GOLGA3: variants seen among roughly 807,000 people sequenced by gnomAD.
GOLGA3 encodes golgin subfamily A member 3.
GOLGA3 carries 75 observed loss-of-function variants against 169.4 expected under a neutral mutation model. The ratio of observed to expected loss-of-function variants is 0.44; its 90% CI spans 0.37 to 0.54. GOLGA3 has a LOEUF of 0.54. GOLGA3 is among the 20% of genes least tolerant of loss of function. The probability of loss-of-function intolerance (pLI) is 0.00; values close to 1 mark genes in which losing one functional copy is unlikely to be tolerated. For synonymous variants in GOLGA3, 824 were observed against 822.4 expected, an observed-to-expected ratio of 1.00 and a Z score of -0.03; for missense variants, 1,899 against 1,930.0, an observed-to-expected ratio of 0.98 and a Z score of 0.30.
intron 9 of GOLGA3, among the ~76,000 whole-genome samples, chr12:132,796,972 G>A (rs1948873218): frequency 6.6e-6 from 1 of 152,206 alleles, no homozygotes; most frequent in African/African-American, 2.4e-5. Flanking sequence ...TTCTCGTGTG[G>A]CGACAGCTGC....
At position 132,804,078 on chromosome 12, in the gene GOLGA3, C is replaced by T. The variant is rs1252238308; in HGVS notation, c.1597+638G>A. 4.6e-5 allele frequency among the ~76,000 whole-genome samples: 7 copies of T among 152,216 alleles called. No homozygotes were observed. Among genetic ancestry groups the T allele is most frequent in the Admixed American group, 4.6e-4 (7 of 15,284 alleles). The stretch of plus-strand genomic sequence containing the variant: ...GGGTGGAAGGCGTGCTGCCAAGCCA[C>T]ATGGAAGCCCGCCGCGGCTTCCGCA... On this transcript the variant is annotated intron_variant, in intron 7 of 23. Coordinates refer to ENST00000450791, the MANE Select transcript of GOLGA3 (RefSeq NM_001389683.1). The surrounding 1 kb of genome is among the most constrained non-coding windows in gnomAD (Gnocchi z 4.1).
chr12:132,824,294 A>T (rs1950328224), intron 1 of GOLGA3, among the ~76,000 whole-genome samples: 1 of 152,222 alleles, frequency 6.6e-6, no homozygotes, highest in Non-Finnish European at 1.5e-5. Context: ...AAGGGCGTGC[A>T]GACCTGTGAG....
At position 132,796,338 on chromosome 12, in the gene GOLGA3, G is replaced by A. The variant is rs558316407; in HGVS notation, c.2101-118C>T. On this transcript the variant is annotated intron_variant, in intron 10 of 23. Coordinates refer to ENST00000450791, the MANE Select transcript of GOLGA3 (RefSeq NM_001389683.1). The stretch of plus-strand genomic sequence containing the variant: ...ACACTATGGAGGGTCTTTTTTTCAC[G>A]CACAATCCTGGTATAGAAGAACCAG... 2.9e-3 allele frequency: 3,680 copies of A among 1,271,286 alleles called. 61 individuals are homozygous for A. The South Asian group carries it at 0.034, about 12-fold the overall frequency. The allele number at this position is 1,271,286 out of a possible 1,614,324, so 78.8% of individuals were successfully genotyped here. A position where few individuals can be genotyped will look rare whatever the true frequency, so the allele number is the denominator to read the frequency against.
At position 132,775,144 on chromosome 12, in the gene GOLGA3, C is replaced by G; in HGVS notation, c.4140G>C (p.Lys1380Asn). The part of the protein sequence containing the change: ...LKLDLRRGAA[K>N]TRKEPKGEAS... ...GGAGGGACGCGGGCCTGAGTACCGT[C>G]TTGGCCGCGCCGCGGCGTAGGTCCA... Residue 1380 changes from lysine (K) to asparagine (N), a missense_variant, in exon 22 of 24, where the codon AAG becomes AAC. Transcript: ENST00000450791. 6.2e-7 allele frequency: 1 copy of G among 1,613,146 alleles called. No individual in the cohort carries two copies. The highest frequency in any genetic ancestry group is 8.5e-7 in the Non-Finnish European group (1 of 1,179,942).
intron 15 of GOLGA3, among the ~76,000 whole-genome samples, chr12:132,785,944 A>G (rs906012955): frequency 1.3e-5 from 2 of 152,160 alleles, no homozygotes; most frequent in African/African-American, 2.4e-5. Flanking sequence ...CGCTGACCCC[A>G]TGCCCTCACT....
rs185677320 is a variant in GOLGA3, at chr12:132,777,354, C to T, written c.3723-264G>A. 1.3e-5 allele frequency among the ~76,000 whole-genome samples: 2 copies of T among 151,732 alleles called. No homozygotes were observed. The highest frequency in any genetic ancestry group is 6.6e-5 in the Admixed American group (1 of 15,202). On this transcript the variant is annotated intron_variant, in intron 19 of 23. Transcript: ENST00000450791. The surrounding 1 kb of genome is among the most constrained non-coding windows in gnomAD (Gnocchi z 4.7). ...CCTCACAGATCCCAGAGAGTGCCGG[C>T]CCCGAGACCACAGTGCATGGGACCC... is the stretch of plus-strand genomic sequence containing the variant.
chr12:132,814,376 G>A (rs993032777), intron 3 of GOLGA3, among the ~76,000 whole-genome samples: 1 of 152,152 alleles, frequency 6.6e-6, no homozygotes, highest in Non-Finnish European at 1.5e-5. Context: ...GAGCCGTGCC[G>A]AGCACTCTGA....
chr12:132,820,190 T>C (rs1950150649), intron 2 of GOLGA3, among the ~76,000 whole-genome samples: 1 of 147,972 alleles, frequency 6.8e-6, no homozygotes, highest in Non-Finnish European at 1.5e-5. Context: ...AAAAAAAAAA[T>C]CAGCTAGGCG....
rs1265132328 is a variant in GOLGA3, at chr12:132,777,661, C to T, written c.3722+5G>A. 6.2e-7 allele frequency: 1 copy of T among 1,613,822 alleles called. No individual in the cohort carries two copies. The highest frequency in any genetic ancestry group is 1.1e-5 in the South Asian group (1 of 91,056). On this transcript the variant is annotated splice_donor_5th_base_variant and intron_variant, in intron 19 of 23. Coordinates refer to ENST00000450791, the MANE Select transcript of GOLGA3 (RefSeq NM_001389683.1). The surrounding 1 kb of genome is among the most constrained non-coding windows in gnomAD (Gnocchi z 4.7). The stretch of plus-strand genomic sequence containing the variant: ...TTTGAGGGCTGGCGGGGCCCAGGCA[C>T]TCACTGAAGGTCGTCGGCCTCGGCC...
intron 17 of GOLGA3, among the ~76,000 whole-genome samples, chr12:132,782,065 G>A (rs1439993398): frequency 2.0e-5 from 3 of 152,150 alleles, no homozygotes; most frequent in South Asian, 2.1e-4. Context: ...CAGGGCTGTG[G>A]GTCACCCAGA....
chr12:132,777,903 A>C lies in GOLGA3; in HGVS notation c.3583-98T>G, dbSNP rs773764600. 3 of 1,323,392 alleles carry C rather than the reference A, an allele frequency of 2.3e-6. No homozygotes were observed. The African/African-American group carries it at 4.4e-5, about 19-fold the overall frequency. The allele number at this position is 1,323,392 out of a possible 1,614,324, so 82.0% of individuals were successfully genotyped here. A position where few individuals can be genotyped will look rare whatever the true frequency, so the allele number is the denominator to read the frequency against. On this transcript the variant is annotated intron_variant, in intron 18 of 23. Coordinates refer to ENST00000450791, the MANE Select transcript of GOLGA3 (RefSeq NM_001389683.1). This position sits in a 1 kb window ranked among gnomAD's most constrained non-coding sequence, Gnocchi z 4.7. ...GGTGAATGCACTCCCGGCCCCGTGC[A>C]TGTCCTGGCTGCCGGCGTGTGCTTC...
Position 132,776,764 on chromosome 12 carries a change from G to A in GOLGA3, c.3856-8C>T, listed in dbSNP as rs760421535. The stretch of plus-strand genomic sequence containing the variant: ...CCATTTGAGATTTTCCATCTAAAGA[G>A]GGGAAAGTCACATGGCCAAAAGAAT... On this transcript the variant is annotated splice_polypyrimidine_tract_variant and splice_region_variant and intron_variant, in intron 20 of 23. Transcript: ENST00000450791. The A allele has an allele frequency of 1.9e-6, 3 of 1,613,582 alleles. No homozygotes were observed. Among genetic ancestry groups the A allele is most frequent in the Non-Finnish European group, 2.5e-6 (3 of 1,179,844 alleles).
In GOLGA3 at chr12:132,776,664, C is replaced by G. The variant is rs146521364; in HGVS notation, c.3948G>C (p.Lys1316Asn). 2 of 1,613,522 alleles carry G rather than the reference C, an allele frequency of 1.2e-6. No homozygotes were observed. Among genetic ancestry groups the G allele is most frequent in the Non-Finnish European group, 1.7e-6 (2 of 1,179,676 alleles). ...QLDLTEQQGR[K>N]ELEGLQQLLQ... ...GCAGCTGCTGTAGCCCTTCCAGTTC[C>G]TTCCTGCCCTGCTGCTCCGTCAAGT... The change falls in exon 21 of 24, where the codon AAG becomes AAC. Residue 1316 changes from lysine (K) to asparagine (N), a missense_variant. By Grantham distance (94) the Lys-to-Asn change is moderately conservative. Coordinates refer to ENST00000450791, the MANE Select transcript of GOLGA3 (RefSeq NM_001389683.1).
At position 132,803,997 on chromosome 12, in the gene GOLGA3, G is replaced by T. The variant is rs913351443; in HGVS notation, c.1597+719C>A. Among the ~76,000 whole-genome samples, 4 of 152,296 alleles carry T rather than the reference G, an allele frequency of 2.6e-5. 2 individuals carry two copies. ...GAGCAGGCCAACCACAGTCTTCTCCGTGTCTGCTGGGCACTGGAGTGTGAG... is the reference window on the plus strand; with the variant it reads ...GAGCAGGCCAACCACAGTCTTCTCCTTGTCTGCTGGGCACTGGAGTGTGAG... On this transcript the variant is annotated intron_variant, in intron 7 of 23. Transcript: ENST00000450791.
chr12:132,778,613 A>C (rs1348746603), intron 18 of GOLGA3, among the ~76,000 whole-genome samples: 1 of 151,484 alleles, frequency 6.6e-6, no homozygotes, highest in African/African-American at 2.4e-5. Context: ...AAAAATAATA[A>C]AATAAAATAA....
intron 12 of GOLGA3, among the ~76,000 whole-genome samples, chr12:132,790,924 G>A (rs1416844722): frequency 6.1e-5 from 9 of 148,054 alleles, no homozygotes; most frequent in African/African-American, 1.2e-4. Context: ...GGTGGAGGGC[G>A]CCTGTAGTCG....
In GOLGA3 at chr12:132,795,901, G is replaced by A. The variant is rs769767660; in HGVS notation, c.2420C>T (p.Ser807Leu). Reference sequence around the variant, plus strand: ...TTCTCTTAACTTCTCTAAAGTTTCCGACGTTTCCTCGGTACCTTCTTCCAA... The same window carrying A: ...TTCTCTTAACTTCTCTAAAGTTTCCAACGTTTCCTCGGTACCTTCTTCCAA... ...RRLEEGTEET[S>L]ETLEKLREEL... is the part of the protein sequence containing the mutation. Residue 807 changes from serine to leucine, a missense_variant, in exon 11 of 24, where the codon TCG becomes TTG. Ser to Leu is a moderately radical substitution (Grantham distance 145). Coordinates refer to ENST00000450791, the MANE Select transcript of GOLGA3 (RefSeq NM_001389683.1). 2.7e-5 allele frequency: 44 copies of A among 1,613,948 alleles called. No individual in the cohort carries two copies. The Admixed American group carries it at 4.3e-4, about 16-fold the overall frequency.
In GOLGA3 at chr12:132,777,579, G is replaced by A; in HGVS notation, c.3722+87C>T. 6.9e-6 allele frequency: 10 copies of A among 1,442,942 alleles called. No homozygotes were observed. The highest frequency in any genetic ancestry group is 6.3e-5 in the South Asian group (5 of 79,996). 89.4% of individuals were successfully genotyped at this position (1,442,942 alleles called of 1,614,324 possible). On this transcript the variant is annotated intron_variant, in intron 19 of 23. Coordinates refer to ENST00000450791, the MANE Select transcript of GOLGA3 (RefSeq NM_001389683.1). This position sits in a 1 kb window ranked among gnomAD's most constrained non-coding sequence, Gnocchi z 4.7. The stretch of plus-strand genomic sequence containing the variant: ...ACTCGGCAATTTGCAAAATATAGAT[G>A]ACCCTCGCTGTGCTGAAGGTGTGAA...
At chr12:132,786,933 C>T (rs562428951) in intron 13 of GOLGA3, 146 bp from the exon 14 acceptor site, 2 of 628,872 alleles carry the variant, frequency 3.2e-6, no homozygotes, top group South Asian at 3.8e-5. Flanking sequence ...CTGAGAGAGA[C>T]GTCTGCCTTC....
Sources: allele counts gnomAD v4.1 joint callset (sites outside exome capture counted in the v4.1 genomes callset), GRCh38; gene constraint gnomAD v4.1.1; non-coding constraint Gnocchi (gnomAD v3.1); transcripts MANE v1.5; gene names NCBI Gene and HGNC (gene_info 2026-07-23, HGNC 2026-07-21).